The following STIMATE variants were observed in gnomAD, a reference collection of about 807,000 sequenced individuals.
STIMATE encodes STIM activating enhancer.
STIMATE carries 15 observed loss-of-function variants against 36.7 expected under a neutral mutation model. The observed-to-expected ratio is 0.41, with a 90% CI of 0.27 to 0.63. The LOEUF is 0.63. STIMATE is among the 20% of genes least tolerant of loss of function. The pLI is 0.32. For missense variants in STIMATE, 305 were observed against 397.3 expected, an observed-to-expected ratio of 0.77 and a Z score of 1.98; for synonymous variants, 163 against 162.3, an observed-to-expected ratio of 1.00 and a Z score of -0.03.
intron 1 of STIMATE, among the ~76,000 whole-genome samples, chr3:52,868,289 A>G (rs903053884): frequency 4.6e-5 from 7 of 152,134 alleles, no homozygotes; most frequent in Admixed American, 2.0e-4. Flanking sequence ...CTTAAAGACT[A>G]TATTTCCCAG....
chr3:52,843,938 G>A, intron 5 of STIMATE, 140 bp from the exon 6 acceptor site: 3 of 1,106,716 alleles, frequency 2.7e-6, no homozygotes, highest in South Asian at 1.5e-5. Flanking sequence ...AGCACCTCAT[G>A]CCTAGGGTTC....
chr3:52,837,754 G>A lies in STIMATE; in HGVS notation c.*2740C>T, dbSNP rs1289312305. ...TCATAGCACACAATATCCAGCCAACGTCCCACCATTTCTCAACACGGTGAT... is the reference window on the plus strand; with the variant it reads ...TCATAGCACACAATATCCAGCCAACATCCCACCATTTCTCAACACGGTGAT... On this transcript the variant is annotated 3_prime_UTR_variant, in exon 8 of 8. Transcript: ENST00000355083. 1 of 152,216 alleles carries A rather than the reference G, an allele frequency of 6.6e-6. No homozygotes were observed. Among genetic ancestry groups the A allele is most frequent in the Non-Finnish European group, 1.5e-5 (1 of 68,038 alleles). The allele number at this position is 152,216 out of a possible 1,614,324, so 9.4% of individuals were successfully genotyped here. A position where few individuals can be genotyped will look rare whatever the true frequency, so the allele number is the denominator to read the frequency against.
intron 1 of STIMATE, among the ~76,000 whole-genome samples, chr3:52,874,001 G>A (rs966968339): frequency 1.3e-5 from 2 of 152,206 alleles, no homozygotes; most frequent in Admixed American, 6.5e-5. Flanking sequence ...GAAAAGTTGC[G>A]TCAGGTTATT....
intron 2 of STIMATE, 92 bp from the exon 3 acceptor site, chr3:52,852,790 C>T (rs1701028708): frequency 6.7e-7 from 1 of 1,489,498 alleles, no homozygotes; most frequent in South Asian, 1.3e-5. Flanking sequence ...GGAAGAAAGC[C>T]ACCCCAACCT....
intron 1 of STIMATE, among the ~76,000 whole-genome samples, chr3:52,894,812 G>A (rs1701837966): frequency 6.6e-6 from 1 of 152,226 alleles, no homozygotes; most frequent in Admixed American, 6.5e-5. Flanking sequence ...CCATTGCCTC[G>A]AGGGCCACGG....
chr3:52,853,536 G>C (rs1230527255), intron 2 of STIMATE, among the ~76,000 whole-genome samples: 1 of 152,188 alleles, frequency 6.6e-6, no homozygotes, highest in Non-Finnish European at 1.5e-5. Context: ...CAGGACTGCA[G>C]AGATTATCCA....
rs556835435 is a variant in STIMATE at position 52,843,919 on chromosome 3, A to G, written c.541-121T>C. The G allele has an allele frequency of 3.8e-6, 5 of 1,328,372 alleles. No homozygotes were observed. The Admixed American group carries it at 1.1e-4, about 29-fold the overall frequency. The allele number at this position is 1,328,372 out of a possible 1,614,324, so 82.3% of individuals were successfully genotyped here. On this transcript the variant is annotated intron_variant, in intron 5 of 7. Coordinates refer to ENST00000355083, the MANE Select transcript of STIMATE (RefSeq NM_198563.5). ...GCTTAAGACGCTTCCTCCAAAGCCC[A>G]ATGGGAGCAGCACCTCATGCCTAGG... is the stretch of plus-strand genomic sequence containing the variant.
intron 1 of STIMATE, among the ~76,000 whole-genome samples, chr3:52,867,559 G>A (rs1171956984): frequency 6.6e-6 from 1 of 152,228 alleles, no homozygotes; most frequent in East Asian, 1.9e-4. Context: ...CATAGTTTTG[G>A]AGCCCTCTGC....
intron 1 of STIMATE, among the ~76,000 whole-genome samples, chr3:52,859,531 A>AAATAAATT (rs748928249): frequency 3.7e-4 from 7 of 18,830 alleles, no homozygotes; most frequent in African/African-American, 8.9e-4. Context: ...AAAAAAAAAA[A>AAATAAATT]TTTTTTTTTT....
In STIMATE at chr3:52,887,993, A is replaced by AATTTTTTT. The variant is rs1373427637; in HGVS notation, c.160+9297_160+9298insAAAAAAAT. Among the ~76,000 whole-genome samples the AATTTTTTT allele has an allele frequency of 1.0e-4, 2 of 19,900 alleles. 1 individual carries two copies. The highest frequency in any genetic ancestry group is 2.5e-4 in the Non-Finnish European group (2 of 7,952). 13.1% of individuals were successfully genotyped at this position (19,900 alleles called of 152,430 possible). On this transcript the variant is annotated intron_variant, in intron 1 of 7. Transcript: ENST00000355083. ...TGCTCTAACTTCATATAACAGAATC[A>AATTTTTTT]GTTTTTTTTTTTTTTTTTTTTTTTT... is the stretch of plus-strand genomic sequence containing the variant.
chr3:52,863,188 T>C (rs1240296479), intron 1 of STIMATE, among the ~76,000 whole-genome samples: 1 of 152,146 alleles, frequency 6.6e-6, no homozygotes, highest in Non-Finnish European at 1.5e-5. Flanking sequence ...TCAGAGTACA[T>C]GTATTAGTCC....
chr3:52,887,994 G>GTTTTTTGTTTT (rs1701717521), intron 1 of STIMATE, among the ~76,000 whole-genome samples: 4 of 52,694 alleles, frequency 7.6e-5, no homozygotes, highest in African/African-American at 2.1e-4. Context: ...AACAGAATCA[G>GTTTTTTGTTTT]TTTTTTTTTT....
At chr3:52,855,127 T>A (rs542499346) in intron 2 of STIMATE, among the ~76,000 whole-genome samples, 1 of 152,330 alleles carries the variant, frequency 6.6e-6, no homozygotes, top group South Asian at 2.1e-4. Flanking sequence ...CGGGGACTGA[T>A]GTATTTGTGT....
chr3:52,844,767 T>C (rs2106653083), intron 5 of STIMATE, 62 bp downstream of exon 5: 14 of 1,584,672 alleles, frequency 8.8e-6, no homozygotes, highest in Non-Finnish European at 1.1e-5. Context: ...ATGTGGGTGA[T>C]GGGGAGGAAG....
intron 1 of STIMATE, among the ~76,000 whole-genome samples, chr3:52,867,581 T>C (rs1211560923): frequency 1.3e-5 from 2 of 152,222 alleles, no homozygotes; most frequent in Non-Finnish European, 2.9e-5. Flanking sequence ...CCATGGCATG[T>C]TGCTGAACAG....
At position 52,837,697 on chromosome 3, in the gene STIMATE, T is replaced by G. The variant is rs1309689121; in HGVS notation, c.*2797A>C. The G allele has an allele frequency of 1.3e-5, 2 of 152,274 alleles. No homozygotes were observed. The highest frequency in any genetic ancestry group is 2.9e-5 in the Non-Finnish European group (2 of 68,050). 9.4% of individuals were successfully genotyped at this position (152,274 alleles called of 1,614,324 possible). On this transcript the variant is annotated 3_prime_UTR_variant, in exon 8 of 8. Transcript: ENST00000355083. ...CTTGCAAGGTTCCACCACAGGTGGC[T>G]TGGCTGAGGTCCAGATTTGGACAAA...
At chr3:52,874,339 GA>G (rs992720272) in intron 1 of STIMATE, among the ~76,000 whole-genome samples, 10 of 152,124 alleles carry the variant, frequency 6.6e-5, no homozygotes, top group African/African-American at 2.2e-4. Flanking sequence ...TAAATGGGGG[GA>G]AAAAAGCAAA....
chr3:52,867,516 C>T (rs1701331664), intron 1 of STIMATE, among the ~76,000 whole-genome samples: 1 of 152,202 alleles, frequency 6.6e-6, no homozygotes, highest in Non-Finnish European at 1.5e-5. Flanking sequence ...AAAATACTCC[C>T]ACCTTCCAAT....
intron 1 of STIMATE, among the ~76,000 whole-genome samples, chr3:52,858,376 C>G (rs929664967): frequency 1.3e-5 from 2 of 152,120 alleles, no homozygotes; most frequent in Non-Finnish European, 2.9e-5. Context: ...TGGCTCACAC[C>G]TGTAATCCAA....
Sources: allele counts gnomAD v4.1 joint callset (sites outside exome capture counted in the v4.1 genomes callset), GRCh38; gene constraint gnomAD v4.1.1; transcripts MANE v1.5; gene names NCBI Gene and HGNC (gene_info 2026-07-23, HGNC 2026-07-21).